RAP1GAP2: variants seen among roughly 807,000 people sequenced by gnomAD.
The protein encoded by RAP1GAP2 is rap1 GTPase-activating protein 2.
RAP1GAP2 carries 27 observed loss-of-function variants against 95.0 expected under a neutral mutation model. The ratio of observed to expected loss-of-function variants is 0.28; its 90% confidence interval spans 0.21 to 0.39. The LOEUF (loss-of-function observed/expected upper bound fraction) is 0.39. Ranked by LOEUF, RAP1GAP2 falls within the 10% of genes least tolerant of loss-of-function variation. The probability of loss-of-function intolerance (pLI) is 1.00; values close to 1 mark genes in which losing one functional copy is unlikely to be tolerated. For synonymous variants in RAP1GAP2, 373 were observed against 380.9 expected (o/e 0.98, Z 0.24); for missense variants, 771 against 970.0 (o/e 0.79, Z 2.72).
chr17:2,985,303 A>G (rs1380877358), intron 11 of RAP1GAP2, among the ~76,000 whole-genome samples: 2 of 151,232 alleles, frequency 1.3e-5, no homozygotes, highest in African/African-American at 4.9e-5. Flanking sequence ...AATATAGCAA[A>G]TTCTCATTCT....
chr17:2,804,132 G>C (rs1399256380), intron 2 of RAP1GAP2, among the ~76,000 whole-genome samples: 1 of 152,168 alleles, frequency 6.6e-6, no homozygotes, highest in Non-Finnish European at 1.5e-5. Context: ...GCAGCTCACT[G>C]CATTCCCTGC....
rs562462151 is a variant in RAP1GAP2, at chr17:2,762,570, G to GT, written c.50+6813dup. Among the ~76,000 whole-genome samples the GT allele has an allele frequency of 3.1e-3, 433 of 140,068 alleles. 4 individuals are homozygous for GT. The highest frequency in any genetic ancestry group is 0.013 in the South Asian group (55 of 4,348). 91.9% of individuals were successfully genotyped at this position (140,068 alleles called of 152,430 possible). ...CCACAACCACACCTGGCTAATTTTT[G>GT]TTTTTTTTTTGGTAGAGATGGGATT... On this transcript the variant is annotated intron_variant, in intron 1 of 25. Coordinates refer to the RAP1GAP2 transcript ENST00000637138.
In RAP1GAP2 at chr17:3,004,558, C is replaced by T. The variant is rs1052379933; in HGVS notation, c.1201-811C>T. On this transcript the variant is annotated intron_variant, in intron 14 of 24. Coordinates refer to ENST00000254695, the MANE Select transcript of RAP1GAP2 (RefSeq NM_015085.5). This position sits in a 1 kb window ranked among gnomAD's most constrained non-coding sequence, Gnocchi z 4.1. ...AGGGCACCTCTGTGCAGAGGGAAGG[C>T]GGGGTGTGGGGCCCGTCCCACGCCT... 2.0e-5 allele frequency among the ~76,000 whole-genome samples: 3 copies of T among 152,254 alleles called. No individual in the cohort carries two copies. The highest frequency in any genetic ancestry group is 1.3e-4 in the Admixed American group (2 of 15,290).
intron 2 of RAP1GAP2, among the ~76,000 whole-genome samples, chr17:2,815,030 A>G (rs1392521573): frequency 2.6e-5 from 4 of 152,160 alleles, no homozygotes; most frequent in African/African-American, 9.6e-5. Context: ...GGCTGGACCC[A>G]TGGCTGCCCA....
intron 3 of RAP1GAP2, among the ~76,000 whole-genome samples, chr17:2,910,258 C>T (rs1019989207): frequency 2.0e-5 from 3 of 152,118 alleles, no homozygotes; most frequent in Non-Finnish European, 4.4e-5. Flanking sequence ...AGGGACATCT[C>T]GGTCAGAGGA....
In RAP1GAP2 at chr17:3,004,438, A is replaced by G. The variant is rs1443440881; in HGVS notation, c.1201-931A>G. On this transcript the variant is annotated intron_variant, in intron 14 of 24. Transcript: ENST00000254695. This position sits in a 1 kb window ranked among gnomAD's most constrained non-coding sequence, Gnocchi z 4.1. ...TTCACAGGCCGGGGAGGCTGGCAGC[A>G]CGCCAGGGCTGGGCTCACGTCAGCG... 1.3e-5 allele frequency among the ~76,000 whole-genome samples: 2 copies of G among 152,244 alleles called. No individual in the cohort carries two copies. The highest frequency in any genetic ancestry group is 2.9e-5 in the Non-Finnish European group (2 of 68,038).
chr17:2,881,150 A>T (rs1247727982), intron 2 of RAP1GAP2, among the ~76,000 whole-genome samples: 4 of 151,842 alleles, frequency 2.6e-5, no homozygotes, highest in African/African-American at 9.7e-5. Context: ...AATCCCAGCT[A>T]CTCGGGAGGC....
intron 3 of RAP1GAP2, among the ~76,000 whole-genome samples, chr17:2,911,809 G>A (rs1157877517): frequency 6.6e-6 from 1 of 152,154 alleles, no homozygotes; most frequent in Non-Finnish European, 1.5e-5. Context: ...AAGTAAAGGG[G>A]TTGATTCTCC....
chr17:3,015,310 G>A (rs2046720721), intron 17 of RAP1GAP2, among the ~76,000 whole-genome samples: 1 of 152,122 alleles, frequency 6.6e-6, no homozygotes, highest in Non-Finnish European at 1.5e-5. Flanking sequence ...CTCACTGTCA[G>A]TAGCTCATCT....
intron 2 of RAP1GAP2, among the ~76,000 whole-genome samples, chr17:2,817,903 C>T (rs2070098000): frequency 7.8e-6 from 1 of 128,304 alleles, no homozygotes; most frequent in Admixed American, 7.6e-5. Flanking sequence ...AGGGCACAAT[C>T]TCAGCTCACT....
chr17:3,030,969 G>A lies in RAP1GAP2; in HGVS notation c.2155G>A (p.Asp719Asn). Residue 719 changes from aspartate to asparagine, a missense_variant, in exon 23 of 25, where the codon GAC (aspartate) becomes AAC (asparagine). Asp to Asn is a conservative substitution (Grantham distance 23). Coordinates refer to ENST00000254695, the MANE Select transcript of RAP1GAP2 (RefSeq NM_015085.5). ...GAGATCGAACCTGAAATTCCGCTTT[G>A]ACAAGCTCAGCCATGCCAGCTCTGG... ...SPRSNLKFRF[D>N]KLSHASSGAG... The A allele has an allele frequency of 6.2e-7, 1 of 1,610,242 alleles. No individual in the cohort carries two copies. Among genetic ancestry groups the A allele is most frequent in the Non-Finnish European group, 8.5e-7 (1 of 1,178,442 alleles).
intron 3 of RAP1GAP2, among the ~76,000 whole-genome samples, chr17:2,955,759 T>C (rs182957444): frequency 9.2e-5 from 14 of 152,244 alleles, no homozygotes; most frequent in African/African-American, 1.7e-4. Context: ...TCAGTTGTGA[T>C]AGGTTATGTT....
chr17:2,904,583 C>T lies in RAP1GAP2; in HGVS notation c.81-701C>T, dbSNP rs1004940572. On this transcript the variant is annotated intron_variant, in intron 2 of 24. Transcript: ENST00000254695. The surrounding 1 kb of genome is among the most constrained non-coding windows in gnomAD (Gnocchi z 4.7). ...GTGTGTGTGTGTACGTGCAGAGGGGCTCAAGGGAGAATGAATCCGCGTTTC... is the reference window on the plus strand; with the variant it reads ...GTGTGTGTGTGTACGTGCAGAGGGGTTCAAGGGAGAATGAATCCGCGTTTC... 3.5e-5 allele frequency among the ~76,000 whole-genome samples: 3 copies of T among 85,404 alleles called. No homozygotes were observed. Among genetic ancestry groups the T allele is most frequent in the Non-Finnish European group, 3.2e-5 (1 of 31,654 alleles). The allele number at this position is 85,404 out of a possible 152,430, so 56.0% of individuals were successfully genotyped here. A position where few individuals can be genotyped will look rare whatever the true frequency, so the allele number is the denominator to read the frequency against.
In RAP1GAP2 at chr17:3,029,704, C is replaced by G. The variant is rs2047231411; in HGVS notation, c.2108-1218C>G. On this transcript the variant is annotated intron_variant, in intron 22 of 24. Transcript: ENST00000254695. This position sits in a 1 kb window ranked among gnomAD's most constrained non-coding sequence, Gnocchi z 4.4. ...CAGCTTCCAGGAAGGCTGCACTAAG[C>G]TTTCCATACCCTCGGCCAGAGGACA... is the stretch of plus-strand genomic sequence containing the variant. 1.3e-5 allele frequency among the ~76,000 whole-genome samples: 2 copies of G among 152,164 alleles called. No individual in the cohort carries two copies. The highest frequency in any genetic ancestry group is 4.8e-5 in the African/African-American group (2 of 41,438).
chr17:2,949,121 A>G (rs2043819827), intron 3 of RAP1GAP2, among the ~76,000 whole-genome samples: 1 of 152,168 alleles, frequency 6.6e-6, no homozygotes, highest in South Asian at 2.1e-4. Context: ...TGGGGCCCAG[A>G]CGGAGTTCCT....
intron 9 of RAP1GAP2, 57 bp from the exon 10 acceptor site, chr17:2,981,138 G>A: frequency 6.6e-7 from 1 of 1,521,758 alleles, no homozygotes; most frequent in Non-Finnish European, 9.0e-7. Flanking sequence ...GGGCAGAGGA[G>A]CCCAGATGTC....
intron 8 of RAP1GAP2, among the ~76,000 whole-genome samples, chr17:2,968,741 A>G (rs28630045): frequency 0.21 from 31,846 of 152,106 alleles, 3,448 homozygotes; most frequent in East Asian, 0.33. Flanking sequence ...GTTAACAAAG[A>G]TTCTCGATTT....
At chr17:2,927,803 G>A (rs913286054) in intron 3 of RAP1GAP2, among the ~76,000 whole-genome samples, 25 of 152,286 alleles carry the variant, frequency 1.6e-4, no homozygotes, top group African/African-American at 3.1e-4. Flanking sequence ...CCGGCCCACC[G>A]CATAGCGGGC....
intron 17 of RAP1GAP2, among the ~76,000 whole-genome samples, chr17:3,014,619 G>A (rs1244609413): frequency 2.0e-5 from 3 of 146,778 alleles, no homozygotes; most frequent in Non-Finnish European, 4.5e-5. Context: ...GTGCGATCTC[G>A]GCTCACTGCA....
Sources: gnomAD v4.1 joint callset for allele counts (sites outside exome capture counted in the v4.1 genomes callset) on GRCh38, gnomAD v4.1.1 for gene constraint, Gnocchi (gnomAD v3.1) non-coding constraint, MANE v1.5 for transcripts, NCBI Gene and HGNC (gene_info 2026-07-23, HGNC 2026-07-21) for gene names.